The following GPR176 variants were observed in gnomAD, a reference collection of about 807,000 sequenced individuals.
GPR176 encodes the protein G protein-coupled receptor 176, also known as G-protein coupled receptor 176.
Under a neutral mutation model 35.4 loss-of-function variants are expected in GPR176, and 26 were observed. That is an observed-to-expected ratio of 0.74 (90% CI 0.54 to 1.02). The LOEUF is 1.02. Among genes scored for constraint, GPR176 ranks in the 50% least tolerant of loss-of-function variants. GPR176 has a pLI of 0.00. For missense variants in GPR176, 597 were observed against 665.3 expected (o/e 0.90, Z 1.13); for synonymous variants, 278 against 271.3 (o/e 1.02, Z -0.24).
At chr15:39,916,571 T>G (rs977740602) in intron 1 of GPR176, among the ~76,000 whole-genome samples, 2 of 152,164 alleles carry the variant, frequency 1.3e-5, no homozygotes, top group African/African-American at 4.8e-5. Flanking sequence ...TGAATTATTT[T>G]CACATAATAA....
At chr15:39,914,578 G>A (rs1214961965) in intron 1 of GPR176, among the ~76,000 whole-genome samples, 2 of 152,064 alleles carry the variant, frequency 1.3e-5, no homozygotes, top group Non-Finnish European at 2.9e-5. Context: ...CCAAAGTGCT[G>A]GGATTACAGG....
intron 1 of GPR176, among the ~76,000 whole-genome samples, chr15:39,917,769 C>T (rs1337702934): frequency 6.6e-6 from 1 of 151,108 alleles, no homozygotes; most frequent in African/African-American, 2.4e-5. Context: ...GACTCCCAGC[C>T]GGGCATAGTG....
chr15:39,887,416 C>G (rs2032710942), intron 1 of GPR176, among the ~76,000 whole-genome samples: 1 of 152,052 alleles, frequency 6.6e-6, no homozygotes, highest in Non-Finnish European at 1.5e-5. Context: ...GTGAATGGCC[C>G]ACCACCCACA....
At chr15:39,818,251 G>A (rs1270799385) in intron 1 of GPR176, among the ~76,000 whole-genome samples, 2 of 152,220 alleles carry the variant, frequency 1.3e-5, no homozygotes, top group African/African-American at 2.4e-5. Flanking sequence ...CTATTGGCAT[G>A]AGAAAATCAT....
At chr15:39,878,251 C>T (rs534860941) in intron 1 of GPR176, among the ~76,000 whole-genome samples, 110 of 152,134 alleles carry the variant, frequency 7.2e-4, no homozygotes, top group Non-Finnish European at 1.5e-3. Context: ...TACAACTGAA[C>T]CTTTTTACCC....
chr15:39,847,742 C>CAAA (rs34896644), intron 1 of GPR176, among the ~76,000 whole-genome samples: 821 of 67,082 alleles, frequency 0.012, 26 homozygotes, highest in African/African-American at 0.031. Flanking sequence ...GACTCTGTCT[C>CAAA]AAAAAAAAAA....
chr15:39,846,679 C>A (rs1245037764), intron 1 of GPR176, among the ~76,000 whole-genome samples: 1 of 152,090 alleles, frequency 6.6e-6, no homozygotes, highest in Non-Finnish European at 1.5e-5. Context: ...AGAAGTGACA[C>A]AACATTTTTC....
At chr15:39,900,872 C>T (rs1315080966) in intron 1 of GPR176, among the ~76,000 whole-genome samples, 1 of 152,126 alleles carries the variant, frequency 6.6e-6, no homozygotes. Context: ...AGAATTAGAA[C>T]AGAAGTAGAA....
At chr15:39,862,625 G>A (rs2031649621) in intron 1 of GPR176, among the ~76,000 whole-genome samples, 1 of 152,146 alleles carries the variant, frequency 6.6e-6, no homozygotes, top group South Asian at 2.1e-4. Context: ...ATCACCTAGT[G>A]GTCTAGTGAC....
intron 1 of GPR176, among the ~76,000 whole-genome samples, chr15:39,833,345 T>C (rs1035099260): frequency 1.3e-5 from 2 of 152,182 alleles, no homozygotes; most frequent in African/African-American, 4.8e-5. Flanking sequence ...TGCTGATACA[T>C]ACTACAACAT....
At chr15:39,868,507 C>T (rs2031916240) in intron 1 of GPR176, among the ~76,000 whole-genome samples, 2 of 152,214 alleles carry the variant, frequency 1.3e-5, no homozygotes, top group East Asian at 1.9e-4. Context: ...GCACATCTTC[C>T]CTGGAACTGG....
At chr15:39,822,601 C>A (rs1595450707) in intron 1 of GPR176, among the ~76,000 whole-genome samples, 1 of 152,160 alleles carries the variant, frequency 6.6e-6, no homozygotes, top group Admixed American at 6.5e-5. Context: ...ATTTTACTTA[C>A]CCTTCCTTTA....
intron 1 of GPR176, among the ~76,000 whole-genome samples, chr15:39,893,150 C>G (rs1302851653): frequency 2.0e-5 from 3 of 151,704 alleles, no homozygotes; most frequent in Admixed American, 2.0e-4. Flanking sequence ...GTTTCTCACA[C>G]AGGGGGATTT....
At chr15:39,832,654 A>AACACACACACACACACACAC (rs112693906) in intron 1 of GPR176, among the ~76,000 whole-genome samples, 22 of 145,126 alleles carry the variant, frequency 1.5e-4, no homozygotes, top group Non-Finnish European at 2.4e-4. Flanking sequence ...TGATGAGCTA[A>AACACACACACACACACACAC]ACACACACAC....
intron 1 of GPR176, among the ~76,000 whole-genome samples, chr15:39,858,002 G>GA (rs1044444603): frequency 4.0e-5 from 6 of 149,586 alleles, no homozygotes; most frequent in East Asian, 2.0e-4. Context: ...AAAGAAAAAA[G>GA]AAAAAAAAGG....
chr15:39,810,065 A>G (rs1899446190), intron 1 of GPR176, among the ~76,000 whole-genome samples: 2 of 151,858 alleles, frequency 1.3e-5, no homozygotes, highest in Non-Finnish European at 2.9e-5. Context: ...GAACGGCGTG[A>G]ACCCAGGAGG....
rs1424250580 is a variant in GPR176 at position 39,897,645 on chromosome 15, C to T, written c.172+22210G>A. Among the ~76,000 whole-genome samples the T allele has an allele frequency of 2.5e-5, 3 of 119,530 alleles. No individual in the cohort carries two copies. The East Asian group carries it at 7.7e-4, about 31-fold the overall frequency. The allele number at this position is 119,530 out of a possible 152,430, so 78.4% of individuals were successfully genotyped here. On this transcript the variant is annotated intron_variant, in intron 1 of 2. Coordinates refer to ENST00000561100, the MANE Select transcript of GPR176 (RefSeq NM_007223.3). ...TTTTTGAGACGGAGTCTCGCTCTGT[C>T]GCCCAGGCCGGACTGCGGACTGCAG...
chr15:39,821,632 C>T (rs1900278905), intron 1 of GPR176, among the ~76,000 whole-genome samples: 3 of 152,106 alleles, frequency 2.0e-5, no homozygotes, highest in Admixed American at 2.0e-4. Flanking sequence ...CAGTAAAGAA[C>T]TCTGAAATTT....
intron 1 of GPR176, among the ~76,000 whole-genome samples, chr15:39,906,228 G>A (rs2033419275): frequency 6.6e-6 from 1 of 152,148 alleles, no homozygotes; most frequent in African/African-American, 2.4e-5. Context: ...CCTAATTTTT[G>A]CAGGCTTCCT....
Sources: gnomAD v4.1 joint callset for allele counts (sites outside exome capture counted in the v4.1 genomes callset) on GRCh38, gnomAD v4.1.1 for gene constraint, MANE v1.5 for transcripts, NCBI Gene and HGNC (gene_info 2026-07-23, HGNC 2026-07-21) for gene names.